The following DNAH2 variants were observed in gnomAD, a reference collection of about 807,000 sequenced individuals.
The protein encoded by DNAH2 is dynein axonemal heavy chain 2, also known as axonemal beta dynein heavy chain 2.
In DNAH2, 323 loss-of-function variants were observed where a neutral mutation model predicts 523.5. That is an observed-to-expected ratio of 0.62 (90% CI 0.56 to 0.68). The LOEUF (loss-of-function observed/expected upper bound fraction) is 0.68. Ranked by LOEUF, DNAH2 falls within the 30% of genes least tolerant of loss-of-function variation. The pLI, the probability that DNAH2 is intolerant of heterozygous loss-of-function variation, is 0.00. For missense variants in DNAH2, 4,907 were observed against 5,701.5 expected (o/e 0.86, Z 4.49); for synonymous variants, 2,093 against 2,177.4 (o/e 0.96, Z 1.08).
At chr17:7,829,171 C>T (rs1362804298) in intron 77 of DNAH2, among the ~76,000 whole-genome samples, 2 of 152,114 alleles carry the variant, frequency 1.3e-5, no homozygotes, top group African/African-American at 2.4e-5. Context: ...CGTGTCACCA[C>T]GCCTGGCTAA....
chr17:7,830,111 A>T (rs2078127545), intron 77 of DNAH2, among the ~76,000 whole-genome samples, 189 bp from the exon 78 acceptor site: 2 of 151,774 alleles, frequency 1.3e-5, no homozygotes. Flanking sequence ...TGAATTAGAG[A>T]AAGGCACTCA....
chr17:7,792,384 G>A lies in DNAH2; in HGVS notation c.7145+41G>A, dbSNP rs373011505. 374 of 1,591,322 alleles carry A rather than the reference G, an allele frequency of 2.4e-4. 1 individual carries two copies. The highest frequency in any genetic ancestry group is 2.8e-4 in the Non-Finnish European group (325 of 1,159,698). ...GGGTGTGAGGAGGGCATGGGGCAGCGGTAGGTGGGGGATGTGGCAAGAGAG... is the reference window on the plus strand; with the variant it reads ...GGGTGTGAGGAGGGCATGGGGCAGCAGTAGGTGGGGGATGTGGCAAGAGAG... On this transcript the variant is annotated intron_variant, in intron 46 of 85. Coordinates refer to ENST00000572933, the MANE Select transcript of DNAH2 (RefSeq NM_020877.5).
chr17:7,819,130 T>C (rs2077778435), intron 71 of DNAH2, 67 bp downstream of exon 71: 10 of 1,603,092 alleles, frequency 6.2e-6, no homozygotes, highest in Non-Finnish European at 8.5e-6. Context: ...TCATGACGGC[T>C]CGAGACCCCT....
Position 7,801,986 on chromosome 17 carries a change from A to G in DNAH2, c.8941A>G (p.Lys2981Glu), listed in dbSNP as rs1308637550. Reference sequence around the variant, plus strand: ...GAGACACAACTATGTCACACCCACCAAATACCTGGAACTCCTGTCTGGATA... The same window carrying G: ...GAGACACAACTATGTCACACCCACCGAATACCTGGAACTCCTGTCTGGATA... ...LRRHNYVTPTKYLELLSGYKK... is the reference protein window; with the variant it reads ...LRRHNYVTPTEYLELLSGYKK... The change falls in exon 58 of 86, where the codon AAA becomes GAA. Residue 2981 changes from lysine (K) to glutamate (E), a missense_variant. By Grantham distance (56) the Lys-to-Glu change is moderately conservative. Around this residue, in one of 3 missense-constraint regions of DNAH2, gnomAD observed 1,851 missense variants for 2,139.4 expected, o/e 0.87. Coordinates refer to ENST00000572933, the MANE Select transcript of DNAH2 (RefSeq NM_020877.5). The G allele has an allele frequency of 7.4e-6, 12 of 1,614,202 alleles. No homozygotes were observed. Among genetic ancestry groups the G allele is most frequent in the Non-Finnish European group, 1.0e-5 (12 of 1,180,040 alleles).
In DNAH2 at chr17:7,758,869, C is replaced by T. The variant is rs376887820; in HGVS notation, c.2209-16C>T. On this transcript the variant is annotated splice_polypyrimidine_tract_variant and intron_variant, in intron 14 of 85. Coordinates refer to ENST00000572933, the MANE Select transcript of DNAH2 (RefSeq NM_020877.5). ...TTCCCGAGCTGAAACTCCCCCATGA[C>T]GGGGCCTGACTCTAGGTGCAGATGA... 3.2e-5 allele frequency: 52 copies of T among 1,611,806 alleles called. No individual in the cohort carries two copies. Among genetic ancestry groups the T allele is most frequent in the Non-Finnish European group, 3.7e-5 (44 of 1,178,726 alleles).
rs375927771 is a variant in DNAH2, at chr17:7,765,362, G to T, written c.3337-29G>T. 2.9e-4 allele frequency: 460 copies of T among 1,595,034 alleles called. 5 individuals carry two copies. The South Asian group carries it at 5.1e-3, about 18-fold the overall frequency. On this transcript the variant is annotated intron_variant, in intron 20 of 85. Coordinates refer to ENST00000572933, the MANE Select transcript of DNAH2 (RefSeq NM_020877.5). Reference sequence around the variant, plus strand: ...ATGAGAGGGCAGACCTCCTGCTCCTGGTCATCCTCCACTCTCTGACTCCCC... The same window carrying T: ...ATGAGAGGGCAGACCTCCTGCTCCTTGTCATCCTCCACTCTCTGACTCCCC...
chr17:7,754,618 C>T lies in DNAH2; in HGVS notation c.1905-2473C>T. ...GAGGCTCTCAAGGCCCTCGTAAAGC[C>T]CAAGGAGGTTAAGCCCAAGATCCCA... On this transcript the variant is annotated intron_variant, in intron 12 of 85. Coordinates refer to ENST00000572933, the MANE Select transcript of DNAH2 (RefSeq NM_020877.5). This position sits in a 1 kb window ranked among gnomAD's most constrained non-coding sequence, Gnocchi z 4.6. The T allele has an allele frequency of 6.6e-7, 1 of 1,508,146 alleles. No homozygotes were observed. Among genetic ancestry groups the T allele is most frequent in the Non-Finnish European group, 9.1e-7 (1 of 1,100,000 alleles). The allele number at this position is 1,508,146 out of a possible 1,614,324, so 93.4% of individuals were successfully genotyped here. A position where few individuals can be genotyped will look rare whatever the true frequency, so the allele number is the denominator to read the frequency against.
chr17:7,755,040 T>C (rs979190356), intron 12 of DNAH2: 7 of 315,932 alleles, frequency 2.2e-5, no homozygotes, highest in African/African-American at 1.3e-4. Flanking sequence ...TGTCCTATCA[T>C]AAATGGGAGA....
rs1351204586 is a variant in DNAH2 at position 7,831,774 on chromosome 17, A to G, written c.12725A>G (p.Lys4242Arg). Residue 4242 changes from lysine (K) to arginine (R), a missense_variant and splice_region_variant, in exon 82 of 86, where the codon AAG (lysine) becomes AGG (arginine). This residue lies in a region of DNAH2 where 1,851 missense variants were observed against 2,139.4 expected (regional missense o/e 0.87). Coordinates refer to ENST00000572933, the MANE Select transcript of DNAH2 (RefSeq NM_020877.5). The surrounding 1 kb of genome is among the most constrained non-coding windows in gnomAD (Gnocchi z 4.2). The part of the protein sequence containing the change: ...FDAHVPPLWG[K>R]AYPSQKPLAA... ...GCCCATGTTCCTCCGCTCTGGGGAA[A>G]GGCAAGATTATACCATTGTTGATCC... 4.3e-6 allele frequency: 7 copies of G among 1,612,352 alleles called. No individual in the cohort carries two copies. The highest frequency in any genetic ancestry group is 5.9e-6 in the Non-Finnish European group (7 of 1,178,780).
At position 7,775,330 on chromosome 17, in the gene DNAH2, A is replaced by G. The variant is rs140084394; in HGVS notation, c.4809A>G (p.Glu1603=). The change falls in exon 30 of 86, where the codon GAA becomes GAG. Residue 1603 remains glutamate, a synonymous_variant. Coordinates refer to ENST00000572933, the MANE Select transcript of DNAH2 (RefSeq NM_020877.5). The part of the protein sequence containing the change: ...YIDFLHSVFL[E]GPVESWLGDV... ...ACTTCCTCCACTCAGTATTTTTAGA[A>G]GGCCCTGTGGAGGTGAGTTGTGGTG... 4 of 1,611,512 alleles carry G rather than the reference A, an allele frequency of 2.5e-6. No individual in the cohort carries two copies. Among genetic ancestry groups the G allele is most frequent in the African/African-American group, 1.3e-5 (1 of 74,856 alleles).
intron 56 of DNAH2, among the ~76,000 whole-genome samples, 178 bp downstream of exon 56, chr17:7,799,420 A>G (rs1487078541): frequency 1.3e-5 from 2 of 152,174 alleles, no homozygotes; most frequent in Non-Finnish European, 2.9e-5. Context: ...TGGACATGGG[A>G]GTCGTCCATC....
rs1460399374 is a variant in DNAH2, at chr17:7,759,590, C to T, written c.2617C>T (p.Leu873=). 5.6e-6 allele frequency: 9 copies of T among 1,614,012 alleles called. No homozygotes were observed. The highest frequency in any genetic ancestry group is 6.8e-6 in the Non-Finnish European group (8 of 1,179,944). The change falls in exon 16 of 86, where the codon CTG becomes TTG. Residue 873 remains leucine, a synonymous_variant. Coordinates refer to ENST00000572933, the MANE Select transcript of DNAH2 (RefSeq NM_020877.5). ...FQVLVILKND[L]QGSVAQVEFS... ...AGTCCTTGTCATTTTGAAGAATGAT[C>T]TGCAAGGAAGTGTGGCACAGGTAAG...
chr17:7,732,434 C>CAAAAA (rs796065817), intron 4 of DNAH2, among the ~76,000 whole-genome samples: 5 of 54,522 alleles, frequency 9.2e-5, no homozygotes, highest in Admixed American at 2.0e-4. Flanking sequence ...GACTCCATCT[C>CAAAAA]AAAAAAAAAA....
At position 7,788,169 on chromosome 17, in the gene DNAH2, G is replaced by A; in HGVS notation, c.6825G>A (p.Leu2275=). Residue 2275 remains leucine (L), a synonymous_variant, in exon 44 of 86, where the codon CTG becomes CTA. Coordinates refer to ENST00000572933, the MANE Select transcript of DNAH2 (RefSeq NM_020877.5). ...TTAAGAAGGACAACTGCAAGGAGCT[G>A]GTGCCCCTGCCCGAGTACAGCGGTA... ...LAFKKDNCKE[L]VPLPEYSGIT... 6.2e-7 allele frequency: 1 copy of A among 1,613,936 alleles called. No homozygotes were observed. The highest frequency in any genetic ancestry group is 1.1e-5 in the South Asian group (1 of 90,990).
intron 59 of DNAH2, 113 bp from the exon 60 acceptor site, chr17:7,804,845 C>CA (rs367854692): frequency 0.078 from 60,492 of 773,786 alleles, no homozygotes; most frequent in Non-Finnish European, 0.085. Flanking sequence ...GACTCCATCT[C>CA]AAAAAAAAAA....
intron 77 of DNAH2, 63 bp from the exon 78 acceptor site, chr17:7,830,237 A>G (rs7405476): frequency 0.99 from 1,535,346 of 1,543,084 alleles, 764,160 homozygotes; most frequent in East Asian, 1. Flanking sequence ...TGTACATGGC[A>G]GTGCTAGTGG....
chr17:7,806,306 T>A (rs994746991), intron 61 of DNAH2, among the ~76,000 whole-genome samples: 3 of 152,186 alleles, frequency 2.0e-5, no homozygotes, highest in African/African-American at 7.2e-5. Flanking sequence ...TTTACCATAT[T>A]TTCAATGTAT....
chr17:7,752,331 A>G (rs2075709074), intron 12 of DNAH2, among the ~76,000 whole-genome samples: 1 of 152,144 alleles, frequency 6.6e-6, no homozygotes, highest in Admixed American at 6.5e-5. Context: ...TGTACCTAGC[A>G]ACTTTTACAA....
chr17:7,777,721 A>C, intron 33 of DNAH2, 87 bp downstream of exon 33: 1 of 1,519,180 alleles, frequency 6.6e-7, no homozygotes, highest in Middle Eastern at 2.3e-4. Context: ...ATGCAAGGAT[A>C]TCCTAAGCCA....
Sources: allele counts gnomAD v4.1 joint callset (sites outside exome capture counted in the v4.1 genomes callset), GRCh38; gene constraint gnomAD v4.1.1; regional missense constraint gnomAD v4.1.1; non-coding constraint Gnocchi (gnomAD v3.1); transcripts MANE v1.5; gene names NCBI Gene and HGNC (gene_info 2026-07-23, HGNC 2026-07-21).